The following NDST4 variants were observed in gnomAD, a reference collection of about 807,000 sequenced individuals.
The protein encoded by NDST4 is N-heparan sulfate sulfotransferase 4.
In NDST4, 63 loss-of-function variants were observed where a neutral mutation model predicts 100.8. The ratio of observed to expected loss-of-function variants is 0.62; its 90% CI spans 0.51 to 0.77. The LOEUF (loss-of-function observed/expected upper bound fraction) is 0.77. Among genes scored for constraint, NDST4 ranks in the 30% least tolerant of loss-of-function variants. The pLI is 0.00. For missense variants in NDST4, 943 were observed against 1,018.4 expected (o/e 0.93, Z 1.01); for synonymous variants, 377 against 361.8 (o/e 1.04, Z -0.48).
At chr4:114,910,660 C>G (rs558655375) in intron 6 of NDST4, among the ~76,000 whole-genome samples, 1 of 152,242 alleles carries the variant, frequency 6.6e-6, no homozygotes, top group Non-Finnish European at 1.5e-5. Flanking sequence ...TTATGTAGCA[C>G]TTGAACTACA....
intron 4 of NDST4, among the ~76,000 whole-genome samples, chr4:114,956,670 A>G (rs1405819032): frequency 6.6e-6 from 1 of 152,202 alleles, no homozygotes; most frequent in Non-Finnish European, 1.5e-5. Context: ...AAGACAGTCA[A>G]AGAAGGCCAT....
At chr4:114,936,064 T>C (rs188518481) in intron 5 of NDST4, among the ~76,000 whole-genome samples, 1 of 152,166 alleles carries the variant, frequency 6.6e-6, no homozygotes, top group Non-Finnish European at 1.5e-5. Context: ...ATGAATATAA[T>C]ATTGGTTAAA....
intron 6 of NDST4, among the ~76,000 whole-genome samples, chr4:114,901,304 G>T (rs539184258): frequency 3.3e-5 from 5 of 151,892 alleles, no homozygotes; most frequent in African/African-American, 1.2e-4. Flanking sequence ...TATCGTTTTT[G>T]CCTTCAGTAT....
At chr4:114,884,139 C>T (rs1053269033) in intron 6 of NDST4, among the ~76,000 whole-genome samples, 2 of 152,106 alleles carry the variant, frequency 1.3e-5, no homozygotes, top group African/African-American at 4.8e-5. Context: ...ATAATGAATA[C>T]ATATGCTGCC....
intron 6 of NDST4, among the ~76,000 whole-genome samples, chr4:114,930,686 GCTCA>G (rs937018201): frequency 2.6e-5 from 4 of 151,970 alleles, no homozygotes; most frequent in African/African-American, 9.7e-5. Context: ...ATAGCATAAG[GCTCA>G]CTATTTCATA....
Position 114,994,999 on chromosome 4 carries a change from T to C in NDST4, c.979-17725A>G, listed in dbSNP as rs537656255. Among the ~76,000 whole-genome samples, 262 of 152,180 alleles carry C rather than the reference T, an allele frequency of 1.7e-3. 2 individuals are homozygous for C. The highest frequency in any genetic ancestry group is 6.1e-3 in the African/African-American group (255 of 41,558). On this transcript the variant is annotated intron_variant, in intron 2 of 13. Transcript: ENST00000264363. ...TCTGAAATTTTATCTGATTTATCAA[T>C]ATTATAGATTATTGAACTTGGACCA...
chr4:115,073,894 TTA>T (rs1401311081), intron 2 of NDST4, among the ~76,000 whole-genome samples: 1 of 151,908 alleles, frequency 6.6e-6, no homozygotes, highest in Non-Finnish European at 1.5e-5. Context: ...TTTCAAAACA[TTA>T]TGTTGTACAT....
intron 6 of NDST4, among the ~76,000 whole-genome samples, chr4:114,918,649 G>A (rs760127881): frequency 3.9e-5 from 6 of 152,110 alleles, no homozygotes; most frequent in African/African-American, 7.2e-5. Flanking sequence ...CTGGAAACCT[G>A]TCCCACCCCT....
chr4:114,919,829 A>C (rs1210253772), intron 6 of NDST4, among the ~76,000 whole-genome samples: 2 of 152,226 alleles, frequency 1.3e-5, no homozygotes, highest in African/African-American at 4.8e-5. Context: ...CTTGTCTTGC[A>C]GGGTTGCTGC....
intron 2 of NDST4, among the ~76,000 whole-genome samples, chr4:115,004,651 C>T (rs1013085347): frequency 6.6e-6 from 1 of 152,124 alleles, no homozygotes; most frequent in South Asian, 2.1e-4. Context: ...CTCAATCAAC[C>T]CCAAATCACA....
intron 2 of NDST4, among the ~76,000 whole-genome samples, chr4:115,027,241 A>G (rs557519079): frequency 4.0e-4 from 61 of 152,262 alleles, no homozygotes; most frequent in African/African-American, 1.4e-3. Flanking sequence ...GAGTCTTTAC[A>G]TGCTCCCACA....
chr4:114,836,437 A>G (rs1459194435), intron 11 of NDST4, among the ~76,000 whole-genome samples: 1 of 152,126 alleles, frequency 6.6e-6, no homozygotes, highest in Non-Finnish European at 1.5e-5. Flanking sequence ...AGGGTGTTTA[A>G]TATTGGCCCC....
At chr4:115,090,302 C>A (rs1038704106) in intron 1 of NDST4, among the ~76,000 whole-genome samples, 1 of 151,752 alleles carries the variant, frequency 6.6e-6, no homozygotes, top group African/African-American at 2.4e-5. Flanking sequence ...GACTTTAAAA[C>A]ATTTTTAAAA....
chr4:115,065,193 C>T (rs1431048330), intron 2 of NDST4, among the ~76,000 whole-genome samples: 1 of 152,032 alleles, frequency 6.6e-6, no homozygotes, highest in Admixed American at 6.6e-5. Flanking sequence ...TGGGCTGAGT[C>T]TATCTTACCG....
intron 6 of NDST4, among the ~76,000 whole-genome samples, chr4:114,916,649 T>A (rs1338741290): frequency 2.6e-5 from 4 of 151,156 alleles, no homozygotes; most frequent in African/African-American, 9.7e-5. Context: ...ATGCTTTTTT[T>A]TTTTCTGACA....
At chr4:115,055,197 A>C (rs1728668025) in intron 2 of NDST4, among the ~76,000 whole-genome samples, 1 of 152,126 alleles carries the variant, frequency 6.6e-6, no homozygotes, top group South Asian at 2.1e-4. Flanking sequence ...AGGACCATTT[A>C]GTTGCAGGGA....
At chr4:114,975,554 G>A (rs974116159) in intron 3 of NDST4, among the ~76,000 whole-genome samples, 1 of 152,056 alleles carries the variant, frequency 6.6e-6, no homozygotes, top group Admixed American at 6.6e-5. Context: ...CTCTATGCAT[G>A]TTCAGTGTTT....
At chr4:115,034,906 C>T (rs1560574950) in intron 2 of NDST4, among the ~76,000 whole-genome samples, 1 of 152,106 alleles carries the variant, frequency 6.6e-6, no homozygotes, top group Non-Finnish European at 1.5e-5. Flanking sequence ...CAATCTGAAA[C>T]TCTTCCTATC....
At chr4:114,866,489 A>G (rs1406592693) in intron 7 of NDST4, among the ~76,000 whole-genome samples, 1 of 152,120 alleles carries the variant, frequency 6.6e-6, no homozygotes. Flanking sequence ...CCATTACATC[A>G]CTATTTACTA....
Sources: gnomAD v4.1 joint callset for allele counts (sites outside exome capture counted in the v4.1 genomes callset) on GRCh38, gnomAD v4.1.1 for gene constraint, MANE v1.5 for transcripts, NCBI Gene and HGNC (gene_info 2026-07-23, HGNC 2026-07-21) for gene names.